SNTG1: variants seen among roughly 807,000 people sequenced by gnomAD.
The protein encoded by SNTG1 is syntrophin gamma 1.
Under a neutral mutation model 74.7 loss-of-function variants are expected in SNTG1, and 39 were observed. The ratio of observed to expected loss-of-function variants is 0.52; its 90% CI spans 0.40 to 0.68. The LOEUF is 0.68. SNTG1 is among the 30% of genes least tolerant of loss of function. The pLI is 0.00. For synonymous variants in SNTG1, 254 were observed against 217.1 expected, an observed-to-expected ratio of 1.17 and a Z score of -1.49; for missense variants, 685 against 609.5, an observed-to-expected ratio of 1.12 and a Z score of -1.30.
At chr8:49,926,210 G>GTTC (rs1367842081) in intron 1 of SNTG1, among the ~76,000 whole-genome samples, 1 of 151,906 alleles carries the variant, frequency 6.6e-6, no homozygotes, top group Middle Eastern at 3.2e-3. Flanking sequence ...CTAAGAAGAG[G>GTTC]TTCTAGGTAA....
At chr8:50,782,680 C>G (rs1038932688) in intron 18 of SNTG1, among the ~76,000 whole-genome samples, 1 of 147,246 alleles carries the variant, frequency 6.8e-6, no homozygotes, top group Non-Finnish European at 1.5e-5. Context: ...GTAGTTTGAT[C>G]ATCTGAAGCC....
Position 50,120,501 on chromosome 8 carries a change from TTACTGCAATCAC to T in SNTG1, c.-102-52059_-102-52048del, listed in dbSNP as rs1371447805. ...CTACTGCCACTAACACTATCCAACA[TTACTGCAATCAC>T]CAATACTGCCATCACCAATACTGCT... On this transcript the variant is annotated intron_variant, in intron 1 of 18. Coordinates refer to ENST00000642720, the MANE Select transcript of SNTG1 (RefSeq NM_018967.5). Among the ~76,000 whole-genome samples the T allele has an allele frequency of 5.7e-5, 8 of 139,930 alleles. 1 individual carries two copies. Among genetic ancestry groups the T allele is most frequent in the African/African-American group, 2.1e-4 (8 of 38,452 alleles). 91.8% of individuals were successfully genotyped at this position (139,930 alleles called of 152,430 possible). A position where few individuals can be genotyped will look rare whatever the true frequency, so the allele number is the denominator to read the frequency against.
chr8:50,111,083 C>T (rs769645991), intron 1 of SNTG1, among the ~76,000 whole-genome samples: 25 of 152,084 alleles, frequency 1.6e-4, no homozygotes, highest in Non-Finnish European at 7.4e-5. Context: ...TTATGATTAT[C>T]CAGATCCCAG....
rs144325251 is a variant in SNTG1 at position 50,152,426 on chromosome 8, A to G, written c.-102-20135A>G. 4.1e-4 allele frequency among the ~76,000 whole-genome samples: 62 copies of G among 152,258 alleles called. No homozygotes were observed. The East Asian group carries it at 0.011, about 27-fold the overall frequency. On this transcript the variant is annotated intron_variant, in intron 1 of 18. Transcript: ENST00000642720. ...ATTTACATTTAAGGTTAATATTGTT[A>G]TGTGTGAATTTGATCCTGTCATTAT... is the stretch of plus-strand genomic sequence containing the variant.
chr8:50,399,672 T>G (rs1412111727), intron 3 of SNTG1, among the ~76,000 whole-genome samples: 3 of 140,472 alleles, frequency 2.1e-5, no homozygotes, highest in Non-Finnish European at 3.1e-5. Context: ...TATCATTTCA[T>G]ATTTCCACTC....
chr8:50,444,381 TCC>T (rs2093386226), intron 5 of SNTG1, among the ~76,000 whole-genome samples: 1 of 152,166 alleles, frequency 6.6e-6, no homozygotes, highest in East Asian at 1.9e-4. Flanking sequence ...GCATTCTGCT[TCC>T]CCTGCCATTT....
intron 9 of SNTG1, among the ~76,000 whole-genome samples, chr8:50,503,382 C>G (rs1335410589): frequency 2.6e-5 from 4 of 152,126 alleles, no homozygotes; most frequent in Non-Finnish European, 5.9e-5. Flanking sequence ...TTATCTAATG[C>G]TTTTGCTGAA....
intron 18 of SNTG1, among the ~76,000 whole-genome samples, chr8:50,779,002 C>T (rs887991500): frequency 5.5e-4 from 84 of 152,212 alleles, no homozygotes; most frequent in African/African-American, 2.0e-3. Context: ...TGTCAAAGAT[C>T]AGATAGTTGT....
At position 50,734,517 on chromosome 8, in the gene SNTG1, A is replaced by G. The variant is rs571291818; in HGVS notation, c.1285-17484A>G. Among the ~76,000 whole-genome samples the G allele has an allele frequency of 2.3e-4, 35 of 151,072 alleles. No homozygotes were observed. In the South Asian group the frequency reaches 6.0e-3, roughly 26 times the overall value. ...ATATCTATGATTTTAATGTTTCACT[A>G]TGTATTTTTAAAATATAAAAATTTT... On this transcript the variant is annotated intron_variant, in intron 17 of 18. Transcript: ENST00000642720.
intron 1 of SNTG1, among the ~76,000 whole-genome samples, chr8:49,995,719 G>T (rs1814145028): frequency 6.6e-6 from 1 of 152,220 alleles, no homozygotes; most frequent in South Asian, 2.1e-4. Context: ...TGAGAAGTCA[G>T]CTCTAGAGGA....
intron 1 of SNTG1, among the ~76,000 whole-genome samples, chr8:50,023,107 T>A (rs1484806): frequency 0.52 from 78,939 of 152,044 alleles, 24,022 homozygotes; most frequent in East Asian, 0.8. Flanking sequence ...AGTGGATGGA[T>A]GGTGAAGTGG....
At chr8:50,037,121 A>G (rs1818233846) in intron 1 of SNTG1, among the ~76,000 whole-genome samples, 1 of 152,250 alleles carries the variant, frequency 6.6e-6, no homozygotes, top group Admixed American at 6.5e-5. Flanking sequence ...TGGCTTGCAC[A>G]GTCAGTGAAT....
chr8:50,761,427 A>C (rs1460307842), intron 18 of SNTG1, among the ~76,000 whole-genome samples: 7 of 151,856 alleles, frequency 4.6e-5, no homozygotes, highest in Admixed American at 4.6e-4. Flanking sequence ...GTGGCTTCAC[A>C]TATGCTGCTC....
intron 2 of SNTG1, among the ~76,000 whole-genome samples, chr8:50,306,920 A>G (rs1403694419): frequency 1.3e-5 from 2 of 151,156 alleles, no homozygotes; most frequent in Admixed American, 1.3e-4. Flanking sequence ...TTTTGTATTT[A>G]CTTTTGAGGT....
Position 49,929,800 on chromosome 8 carries a change from TG to T in SNTG1, c.-103+17571del, listed in dbSNP as rs1161444603. ...TTACATATGTATACATGTGCCATGC[TG>T]GTGCGCTGCACCCACTAACTCGTCA... is the stretch of plus-strand genomic sequence containing the variant. On this transcript the variant is annotated intron_variant, in intron 1 of 18. Coordinates refer to ENST00000642720, the MANE Select transcript of SNTG1 (RefSeq NM_018967.5). Among the ~76,000 whole-genome samples, 5 of 151,800 alleles carry T rather than the reference TG, an allele frequency of 3.3e-5. No individual in the cohort carries two copies. The South Asian group carries it at 8.3e-4, about 25-fold the overall frequency.
chr8:50,165,960 A>G (rs2082600578), intron 1 of SNTG1, among the ~76,000 whole-genome samples: 1 of 146,076 alleles, frequency 6.8e-6, no homozygotes, highest in Non-Finnish European at 1.5e-5. Flanking sequence ...CCTCAGAAAT[A>G]ATGCCGCATA....
At chr8:50,033,906 A>G (rs1369057932) in intron 1 of SNTG1, among the ~76,000 whole-genome samples, 4 of 152,206 alleles carry the variant, frequency 2.6e-5, no homozygotes, top group Non-Finnish European at 5.9e-5. Context: ...GGTGTTCTGT[A>G]ATCTCTTGAA....
intron 1 of SNTG1, among the ~76,000 whole-genome samples, chr8:49,973,280 G>A (rs201581406): frequency 8.6e-5 from 13 of 151,240 alleles, no homozygotes; most frequent in African/African-American, 2.4e-4. Flanking sequence ...ACCAAACACC[G>A]CATGTTCTCA....
chr8:50,575,080 C>A (rs1585731128), intron 12 of SNTG1, among the ~76,000 whole-genome samples: 3 of 152,120 alleles, frequency 2.0e-5, no homozygotes, highest in African/African-American at 7.2e-5. Context: ...GTTTGGCACT[C>A]TGTGCACTAG....
Sources: gnomAD v4.1 joint callset for allele counts (sites outside exome capture counted in the v4.1 genomes callset) on GRCh38, gnomAD v4.1.1 for gene constraint, MANE v1.5 for transcripts, NCBI Gene and HGNC (gene_info 2026-07-23, HGNC 2026-07-21) for gene names.